The following LRP1B variants were observed in gnomAD, a reference collection of about 807,000 sequenced individuals.
LRP1B encodes the protein low-density lipoprotein receptor-related protein 1B.
Under a neutral mutation model 556.6 loss-of-function variants are expected in LRP1B, and 217 were observed. That is an observed-to-expected ratio of 0.39 (90% confidence interval 0.35 to 0.44). LRP1B has a LOEUF of 0.44. Ranked by LOEUF, LRP1B falls within the 20% of genes least tolerant of loss-of-function variation. The pLI is 1.00. For missense variants in LRP1B, 5,053 were observed against 5,620.8 expected, an observed-to-expected ratio of 0.90 and a Z score of 3.23; for synonymous variants, 2,047 against 1,865.8, an observed-to-expected ratio of 1.10 and a Z score of -2.50.
At chr2:142,100,554 A>G (rs984491896) in intron 1 of LRP1B, among the ~76,000 whole-genome samples, 9 of 152,122 alleles carry the variant, frequency 5.9e-5, no homozygotes, top group Middle Eastern at 3.4e-3. Context: ...CTTATTTATG[A>G]TTCATTTTAA....
chr2:141,182,124 C>G (rs1164391067), intron 7 of LRP1B, among the ~76,000 whole-genome samples: 1 of 151,916 alleles, frequency 6.6e-6, no homozygotes, highest in Non-Finnish European at 1.5e-5. Context: ...ATACTTAATT[C>G]TCCATGAACT....
intron 7 of LRP1B, among the ~76,000 whole-genome samples, chr2:141,109,681 AT>A (rs1700699841): frequency 1.3e-5 from 2 of 148,302 alleles, no homozygotes; most frequent in Admixed American, 1.3e-4. Context: ...AAAAAAAAAA[AT>A]ACTTTGGAGG....
In LRP1B at chr2:140,233,210, AAT is replaced by A. The variant is rs754176419; in HGVS notation, c.13774_13775del (p.Ile4592TrpfsTer62). ...ATTATGCCACTGTCTCTCTTATACC[AAT>A]TTCTATTTTCTTTGGAAGCAGTTCT... ...RKELLPKKIE[I>X]GIRETVA is the part of the protein sequence containing the mutation. On this transcript the variant is annotated frameshift_variant, in exon 91 of 91. Coordinates refer to ENST00000389484, the MANE Select transcript of LRP1B (RefSeq NM_018557.3). LOFTEE classifies it high-confidence loss of function. The A allele has an allele frequency of 6.2e-7, 1 of 1,601,810 alleles. No homozygotes were observed. Among genetic ancestry groups the A allele is most frequent in the Non-Finnish European group, 8.5e-7 (1 of 1,171,598 alleles).
At chr2:141,757,532 T>G (rs1290635194) in intron 2 of LRP1B, among the ~76,000 whole-genome samples, 1 of 152,118 alleles carries the variant, frequency 6.6e-6, no homozygotes, top group Non-Finnish European at 1.5e-5. Flanking sequence ...TTTTGTGCAT[T>G]TATTGGTTGA....
chr2:142,089,912 T>G (rs1706097112), intron 1 of LRP1B, among the ~76,000 whole-genome samples: 1 of 152,316 alleles, frequency 6.6e-6, no homozygotes, highest in South Asian at 2.1e-4. Flanking sequence ...TATCCAGTTT[T>G]GGTTTTATCT....
intron 2 of LRP1B, among the ~76,000 whole-genome samples, chr2:141,543,856 C>T (rs1399041954): frequency 6.6e-6 from 1 of 152,030 alleles, no homozygotes; most frequent in East Asian, 1.9e-4. Flanking sequence ...TGAGGAAGTC[C>T]ATGGTGCAAG....
chr2:141,030,488 G>A (rs532556774), intron 11 of LRP1B, among the ~76,000 whole-genome samples: 1 of 152,030 alleles, frequency 6.6e-6, no homozygotes, highest in Non-Finnish European at 1.5e-5. Flanking sequence ...AAGGTAATTT[G>A]TTTTGACAGA....
chr2:140,537,439 CCTAA>C (rs920516773), intron 45 of LRP1B, among the ~76,000 whole-genome samples: 4 of 152,000 alleles, frequency 2.6e-5, no homozygotes, highest in Middle Eastern at 3.4e-3. Flanking sequence ...GGTCTTCCTC[CCTAA>C]CTATCTTCTG....
chr2:140,428,538 T>A (rs1190963595), intron 66 of LRP1B, among the ~76,000 whole-genome samples: 1 of 152,110 alleles, frequency 6.6e-6, no homozygotes, highest in Non-Finnish European at 1.5e-5. Flanking sequence ...TGGCAGCCAC[T>A]CCCAGAGGCC....
intron 84 of LRP1B, among the ~76,000 whole-genome samples, chr2:140,292,221 T>C (rs1461868775): frequency 6.6e-6 from 1 of 152,132 alleles, no homozygotes; most frequent in Non-Finnish European, 1.5e-5. Flanking sequence ...ACTTGCAAAT[T>C]TGGACTAATA....
intron 21 of LRP1B, among the ~76,000 whole-genome samples, chr2:140,918,876 T>C (rs1216600574): frequency 6.6e-6 from 1 of 151,984 alleles, no homozygotes; most frequent in East Asian, 1.9e-4. Context: ...GAGAAATAAA[T>C]GTTTGTTGTT....
chr2:141,071,751 A>G (rs1013624039), intron 7 of LRP1B, among the ~76,000 whole-genome samples: 2 of 152,158 alleles, frequency 1.3e-5, no homozygotes, highest in Non-Finnish European at 2.9e-5. Flanking sequence ...GCTCCCATTC[A>G]CAATTGCTTC....
intron 7 of LRP1B, among the ~76,000 whole-genome samples, chr2:141,141,430 A>C (rs1701649949): frequency 6.6e-6 from 1 of 152,188 alleles, no homozygotes; most frequent in African/African-American, 2.4e-5. Context: ...AGGTTTAACC[A>C]AACGGAATTA....
chr2:140,843,055 GGTTTTTTTTTTGTTTTTTTTTTTTT>G (rs1413708245), intron 29 of LRP1B, among the ~76,000 whole-genome samples: 11 of 80,714 alleles, frequency 1.4e-4, no homozygotes, highest in African/African-American at 4.6e-4. Flanking sequence ...TCTCCAAAGT[GGTTTTTTTTTTGTTTTTTTTTTTTT>G]GTTTGTTTTT....
chr2:140,774,348 T>C (rs949331036), intron 33 of LRP1B, among the ~76,000 whole-genome samples: 1 of 152,108 alleles, frequency 6.6e-6, no homozygotes, highest in Non-Finnish European at 1.5e-5. Flanking sequence ...ACCTATAGAA[T>C]CAAATCTTTA....
At chr2:141,479,530 G>A (rs1045215651) in intron 3 of LRP1B, among the ~76,000 whole-genome samples, 24 of 152,068 alleles carry the variant, frequency 1.6e-4, no homozygotes, top group Admixed American at 1.6e-3. Flanking sequence ...ACCCCCAAAC[G>A]AAGGACAGGT....
intron 3 of LRP1B, among the ~76,000 whole-genome samples, chr2:141,304,475 A>ATTTTT (rs67213971): frequency 1.2e-5 from 1 of 83,866 alleles, no homozygotes; most frequent in Non-Finnish European, 2.3e-5. Context: ...AGTTTCATTC[A>ATTTTT]TTTTTTTTTT....
At chr2:141,146,936 T>C (rs1701798561) in intron 7 of LRP1B, among the ~76,000 whole-genome samples, 1 of 152,188 alleles carries the variant, frequency 6.6e-6, no homozygotes, top group African/African-American at 2.4e-5. Flanking sequence ...AGATCCTTTG[T>C]TCTGTTCTGT....
At chr2:141,492,084 A>AAAAAAAAAAAAAAAC (rs1462249057) in intron 2 of LRP1B, among the ~76,000 whole-genome samples, 1 of 127,334 alleles carries the variant, frequency 7.9e-6, no homozygotes, top group African/African-American at 2.8e-5. Flanking sequence ...TTTCTGAAAA[A>AAAAAAAAAAAAAAAC]AAAAAAACAC....
Sources: gnomAD v4.1 joint callset for allele counts (sites outside exome capture counted in the v4.1 genomes callset) on GRCh38, gnomAD v4.1.1 for gene constraint, MANE v1.5 for transcripts, NCBI Gene and HGNC (gene_info 2026-07-23, HGNC 2026-07-21) for gene names.